The following IMMP2L variants were observed in gnomAD, a reference collection of about 807,000 sequenced individuals.
IMMP2L encodes mitochondrial inner membrane protease subunit 2.
In IMMP2L, 18 loss-of-function variants were observed where a neutral mutation model predicts 19.3. The observed-to-expected ratio is 0.93, with a 90% CI of 0.64 to 1.38. The LOEUF (loss-of-function observed/expected upper bound fraction) is 1.38, where lower values mean the gene tolerates loss of function less well. Among genes scored for constraint, IMMP2L ranks in the 40% most tolerant of loss-of-function variants. The probability of loss-of-function intolerance (pLI) is 0.00; values close to 1 mark genes in which losing one functional copy is unlikely to be tolerated. For synonymous variants in IMMP2L, 76 were observed against 73.0 expected (o/e 1.04, Z -0.21); for missense variants, 233 against 218.2 (o/e 1.07, Z -0.43).
intron 3 of IMMP2L, among the ~76,000 whole-genome samples, chr7:111,386,959 A>C (rs1025535016): frequency 6.6e-6 from 1 of 152,178 alleles, no homozygotes; most frequent in African/African-American, 2.4e-5. Context: ...ATAATACCAT[A>C]AGTTTCTATC....
chr7:111,333,909 C>A (rs574652356), intron 3 of IMMP2L, among the ~76,000 whole-genome samples: 1 of 152,014 alleles, frequency 6.6e-6, no homozygotes, highest in African/African-American at 2.4e-5. Context: ...TAATAAACTC[C>A]GCTTTATATA....
Position 111,227,233 on chromosome 7 carries a change from C to T in IMMP2L, c.239+260005G>A, listed in dbSNP as rs1292898206. On this transcript the variant is annotated intron_variant, in intron 3 of 5. Coordinates refer to ENST00000405709, the MANE Select transcript of IMMP2L (RefSeq NM_032549.4). ...CCATACAGTGCTCCATTTACACCCA[C>T]ACACATTTCTCACACTATTCTGCAT... Among the ~76,000 whole-genome samples, 9 of 152,184 alleles carry T rather than the reference C, an allele frequency of 5.9e-5. No individual in the cohort carries two copies. The East Asian group carries it at 1.7e-3, about 30-fold the overall frequency.
intron 4 of IMMP2L, among the ~76,000 whole-genome samples, chr7:110,909,635 T>C (rs1478563605): frequency 3.3e-5 from 5 of 152,226 alleles, no homozygotes; most frequent in East Asian, 1.9e-4. Flanking sequence ...CTTCCCTCTC[T>C]CAGAGGCTAC....
At chr7:111,011,319 A>T (rs900297568) in intron 3 of IMMP2L, among the ~76,000 whole-genome samples, 1 of 152,162 alleles carries the variant, frequency 6.6e-6, no homozygotes, top group African/African-American at 2.4e-5. Flanking sequence ...AAGTGGTCAG[A>T]CTATATACCT....
At chr7:110,854,511 T>C (rs1585038250) in intron 5 of IMMP2L, among the ~76,000 whole-genome samples, 1 of 152,066 alleles carries the variant, frequency 6.6e-6, no homozygotes, top group South Asian at 2.1e-4. Flanking sequence ...TCCATTGTAA[T>C]AATAATGTAG....
chr7:111,086,349 A>G (rs973259609), intron 3 of IMMP2L, among the ~76,000 whole-genome samples: 3 of 152,056 alleles, frequency 2.0e-5, no homozygotes, highest in Non-Finnish European at 4.4e-5. Context: ...CTGAGGTAGG[A>G]GGAACATTTG....
chr7:111,169,545 G>A (rs1806203517), intron 3 of IMMP2L, among the ~76,000 whole-genome samples: 1 of 151,812 alleles, frequency 6.6e-6, no homozygotes, highest in Non-Finnish European at 1.5e-5. Flanking sequence ...TCTCTTGCTG[G>A]TGGTTTCCTG....
chr7:110,860,628 A>G (rs1477291308), intron 5 of IMMP2L, among the ~76,000 whole-genome samples: 1 of 152,096 alleles, frequency 6.6e-6, no homozygotes, highest in Non-Finnish European at 1.5e-5. Context: ...CTCATACTCT[A>G]CAAAATTGGA....
At chr7:110,903,219 G>A (rs545007860) in intron 4 of IMMP2L, among the ~76,000 whole-genome samples, 1 of 152,286 alleles carries the variant, frequency 6.6e-6, no homozygotes, top group African/African-American at 2.4e-5. Context: ...GTATGTGGCT[G>A]TGTATTTCTT....
At chr7:111,473,229 G>T (rs1162336982) in intron 3 of IMMP2L, among the ~76,000 whole-genome samples, 3 of 152,132 alleles carry the variant, frequency 2.0e-5, no homozygotes, top group African/African-American at 7.2e-5. Flanking sequence ...TGCTTCCAAA[G>T]AGGAGCTTTC....
intron 3 of IMMP2L, among the ~76,000 whole-genome samples, chr7:111,358,675 T>G (rs1828962541): frequency 6.6e-6 from 1 of 152,066 alleles, no homozygotes; most frequent in South Asian, 2.1e-4. Context: ...TGGGTGAAAT[T>G]TCTATAGTTT....
At chr7:111,368,015 T>C (rs1196838240) in intron 3 of IMMP2L, among the ~76,000 whole-genome samples, 2 of 151,774 alleles carry the variant, frequency 1.3e-5, no homozygotes, top group Non-Finnish European at 2.9e-5. Flanking sequence ...TATTAAGTAA[T>C]TAAGATGCCA....
chr7:110,700,324 T>C (rs1794188126), intron 5 of IMMP2L, among the ~76,000 whole-genome samples: 1 of 152,186 alleles, frequency 6.6e-6, no homozygotes, highest in Non-Finnish European at 1.5e-5. Context: ...GGAGCTCTAG[T>C]CCACAGCACT....
chr7:111,375,673 C>T lies in IMMP2L; in HGVS notation c.239+111565G>A, dbSNP rs191216398. Among the ~76,000 whole-genome samples the T allele has an allele frequency of 7.9e-5, 12 of 151,998 alleles. No individual in the cohort carries two copies. The East Asian group carries it at 1.2e-3, about 15-fold the overall frequency. On this transcript the variant is annotated intron_variant, in intron 3 of 5. Transcript: ENST00000405709. ...CCGAGTAGCTAGGATTACAGGTGTG[C>T]GCCACCATGCCTGACTAGTTTTATA... is the stretch of plus-strand genomic sequence containing the variant.
intron 2 of IMMP2L, among the ~76,000 whole-genome samples, chr7:111,496,205 T>C (rs1397689625): frequency 6.6e-5 from 10 of 152,172 alleles, no homozygotes; most frequent in Non-Finnish European, 8.8e-5. Context: ...TCCCTTGCTA[T>C]TCAGGGGTCT....
At chr7:111,498,708 A>C (rs893816716) in intron 2 of IMMP2L, among the ~76,000 whole-genome samples, 8 of 152,164 alleles carry the variant, frequency 5.3e-5, no homozygotes, top group African/African-American at 1.9e-4. Flanking sequence ...TCTGTGAACA[A>C]ATCTGTGAAG....
At chr7:110,947,809 C>A (rs573295722) in intron 4 of IMMP2L, among the ~76,000 whole-genome samples, 1 of 152,308 alleles carries the variant, frequency 6.6e-6, no homozygotes, top group East Asian at 1.9e-4. Context: ...GCAATTTTCA[C>A]TGTCTGCTCC....
intron 3 of IMMP2L, among the ~76,000 whole-genome samples, chr7:110,998,403 A>C (rs1461422039): frequency 1.1e-4 from 17 of 152,202 alleles, no homozygotes. Flanking sequence ...GGTTGTTACT[A>C]GAATGAAGAG....
At chr7:110,668,989 G>A (rs62463970) in intron 5 of IMMP2L, among the ~76,000 whole-genome samples, 1,947 of 148,928 alleles carry the variant, frequency 0.013, 15 homozygotes, top group Non-Finnish European at 0.019. Flanking sequence ...CATACTGGCT[G>A]TATTAGTTAG....
Sources: gnomAD v4.1 joint callset for allele counts (sites outside exome capture counted in the v4.1 genomes callset) on GRCh38, gnomAD v4.1.1 for gene constraint, MANE v1.5 for transcripts, NCBI Gene and HGNC (gene_info 2026-07-23, HGNC 2026-07-21) for gene names.